Variants in ARHGAP44 observed in about 807,000 individuals in gnomAD.
ARHGAP44 encodes rho GTPase-activating protein 44.
Under a neutral mutation model 106.8 loss-of-function variants are expected in ARHGAP44, and 43 were observed. The observed-to-expected ratio is 0.40, with a 90% confidence interval of 0.32 to 0.52. ARHGAP44 has a LOEUF of 0.52. Among genes scored for constraint, ARHGAP44 ranks in the 20% least tolerant of loss-of-function variants. The pLI, the probability that ARHGAP44 is intolerant of heterozygous loss-of-function variation, is 0.48. For synonymous variants in ARHGAP44, 439 were observed against 410.3 expected (o/e 1.07, Z -0.85); for missense variants, 866 against 1,050.5 (o/e 0.82, Z 2.43).
intron 5 of ARHGAP44, chr17:12,917,204 C>T (rs952212964): frequency 6.5e-6 from 1 of 154,370 alleles, no homozygotes; most frequent in East Asian, 1.9e-4. Flanking sequence ...GGTTTCTCCC[C>T]TATTAGGGGA....
chr17:12,944,706 G>C (rs1384036566), intron 10 of ARHGAP44, among the ~76,000 whole-genome samples: 2 of 149,904 alleles, frequency 1.3e-5, no homozygotes, highest in Non-Finnish European at 3.0e-5. Context: ...GGCCAGGATG[G>C]TCTCGATCCC....
At chr17:12,928,057 T>G (rs1467209274) in intron 6 of ARHGAP44, among the ~76,000 whole-genome samples, 1 of 152,204 alleles carries the variant, frequency 6.6e-6, no homozygotes, top group Admixed American at 6.5e-5. Flanking sequence ...CAATTATGCC[T>G]ACTTTTGGTA....
intron 18 of ARHGAP44, among the ~76,000 whole-genome samples, chr17:12,976,909 G>A (rs190992079): frequency 2.9e-4 from 44 of 152,268 alleles, no homozygotes; most frequent in African/African-American, 9.1e-4. Context: ...AGATGGGCTG[G>A]GACTGCTTCC....
chr17:12,914,223 G>A (rs1286508129), intron 4 of ARHGAP44, among the ~76,000 whole-genome samples: 1 of 152,108 alleles, frequency 6.6e-6, no homozygotes, highest in Non-Finnish European at 1.5e-5. Flanking sequence ...AAAACCAGAA[G>A]GAGATAATAA....
chr17:12,895,424 G>A lies in ARHGAP44; in HGVS notation c.93+445G>A, dbSNP rs376660434. ...CTGTCTCTCATTGCAGTTTTGATTTGCATTTCTCTGGTGACCAGTGATGAT... is the reference window on the plus strand; with the variant it reads ...CTGTCTCTCATTGCAGTTTTGATTTACATTTCTCTGGTGACCAGTGATGAT... On this transcript the variant is annotated intron_variant, in intron 2 of 20. Transcript: ENST00000379672. Among the ~76,000 whole-genome samples the A allele has an allele frequency of 1.1e-3, 174 of 152,126 alleles. 1 individual carries two copies. The highest frequency in any genetic ancestry group is 2.2e-3 in the Non-Finnish European group (148 of 68,016).
At chr17:12,938,439 T>C (rs1455180017) in intron 7 of ARHGAP44, among the ~76,000 whole-genome samples, 6 of 152,052 alleles carry the variant, frequency 3.9e-5, no homozygotes, top group Non-Finnish European at 7.4e-5. Flanking sequence ...TTCAGAAATA[T>C]ATAGATCAGT....
Position 12,841,585 on chromosome 17 carries a change from GTC to G in ARHGAP44, c.53+51703_53+51704del, listed in dbSNP as rs146801593. Reference sequence around the variant, plus strand: ...CAACAGAGTGAGACCCTGTCTCTCTGTCTCTCTCTCACACACACACACACACA... The same window carrying G: ...CAACAGAGTGAGACCCTGTCTCTCTGTCTCTCTCACACACACACACACACA... On this transcript the variant is annotated intron_variant, in intron 1 of 20. Coordinates refer to ENST00000379672, the MANE Select transcript of ARHGAP44 (RefSeq NM_014859.6). 4.5e-3 allele frequency among the ~76,000 whole-genome samples: 554 copies of G among 123,218 alleles called. 5 individuals are homozygous for G. The highest frequency in any genetic ancestry group is 0.027 in the Middle Eastern group (7 of 256). The allele number at this position is 123,218 out of a possible 152,430, so 80.8% of individuals were successfully genotyped here. A position where few individuals can be genotyped will look rare whatever the true frequency, so the allele number is the denominator to read the frequency against.
In ARHGAP44 at chr17:12,990,219, AG is replaced by A. The variant is rs1567730209; in HGVS notation, c.*50del. ...CGCGTGTACATACATCACGGGCCCT[AG>A]GAACGCCGCCAGGAGCAGCGTCCAT... On this transcript the variant is annotated 3_prime_UTR_variant, in exon 21 of 21. Coordinates refer to ENST00000379672, the MANE Select transcript of ARHGAP44 (RefSeq NM_014859.6). 2 of 1,575,202 alleles carry A rather than the reference AG, an allele frequency of 1.3e-6. No homozygotes were observed. Among genetic ancestry groups the A allele is most frequent in the Non-Finnish European group, 1.7e-6 (2 of 1,151,670 alleles).
At chr17:12,805,640 A>G (rs567365222) in intron 1 of ARHGAP44, among the ~76,000 whole-genome samples, 29 of 152,360 alleles carry the variant, frequency 1.9e-4, no homozygotes, top group African/African-American at 6.7e-4. Context: ...TATGTAAGAC[A>G]TGGCAGCTTA....
intron 1 of ARHGAP44, among the ~76,000 whole-genome samples, chr17:12,873,782 C>A (rs7225839): frequency 1.9e-3 from 287 of 152,162 alleles, no homozygotes; most frequent in Non-Finnish European, 2.9e-3. Context: ...CCTGTAATCC[C>A]AGCTACTGGG....
In ARHGAP44 at chr17:12,989,968, A is replaced by G. The variant is rs2040079530; in HGVS notation, c.2318-64A>G. 4 of 1,578,484 alleles carry G rather than the reference A, an allele frequency of 2.5e-6. No homozygotes were observed. In the East Asian group the frequency reaches 9.1e-5, roughly 36 times the overall value. On this transcript the variant is annotated intron_variant, in intron 20 of 20. Transcript: ENST00000379672. ...CTCCTAAGGCTGACATTATTTGCCT[A>G]CAACTAGGTTCTCATTTGCCGGGAA...
At chr17:12,914,993 G>T (rs1286334195) in intron 4 of ARHGAP44, among the ~76,000 whole-genome samples, 1 of 152,112 alleles carries the variant, frequency 6.6e-6, no homozygotes, top group African/African-American at 2.4e-5. Flanking sequence ...CAGTAAAAAG[G>T]CAGTTACCTC....
intron 7 of ARHGAP44, among the ~76,000 whole-genome samples, chr17:12,937,453 C>A (rs1337045193): frequency 6.6e-6 from 1 of 152,166 alleles, no homozygotes; most frequent in East Asian, 1.9e-4. Flanking sequence ...CCTCCATCAA[C>A]TCGTCAATTA....
At chr17:12,974,450 C>CG (rs888458232) in intron 18 of ARHGAP44, 140 bp downstream of exon 18, 3 of 735,042 alleles carry the variant, frequency 4.1e-6, no homozygotes. Flanking sequence ...TTGGCTTCTG[C>CG]GTCGCGCTGG....
intron 1 of ARHGAP44, among the ~76,000 whole-genome samples, chr17:12,825,416 T>TTGTGTGTG (rs35243771): frequency 8.3e-4 from 123 of 148,188 alleles, no homozygotes; most frequent in African/African-American, 2.7e-3. Context: ...AGGAGTGTGT[T>TTGTGTGTG]TGTGTGTGTG....
chr17:12,909,037 GA>G, intron 4 of ARHGAP44, 64 bp downstream of exon 4: 3 of 1,370,792 alleles, frequency 2.2e-6, no homozygotes, highest in Non-Finnish European at 3.0e-6. Context: ...GTGAAAAGGG[GA>G]CTAGACCCTC....
intron 6 of ARHGAP44, among the ~76,000 whole-genome samples, chr17:12,921,203 A>T (rs1351533248): frequency 6.6e-6 from 1 of 151,826 alleles, no homozygotes; most frequent in Non-Finnish European, 1.5e-5. Flanking sequence ...AGTGGCTGGG[A>T]TTACAGGCAC....
chr17:12,810,243 CAGA>C (rs1231465383), intron 1 of ARHGAP44, among the ~76,000 whole-genome samples: 1 of 152,182 alleles, frequency 6.6e-6, no homozygotes, highest in African/African-American at 2.4e-5. Context: ...TTAAAACAAA[CAGA>C]AGTTTATTCT....
intron 20 of ARHGAP44, chr17:12,986,599 T>A (rs1417905114): frequency 6.9e-6 from 1 of 145,760 alleles, no homozygotes; most frequent in Non-Finnish European, 1.5e-5. Context: ...GGTAGGAGAA[T>A]TGCTTGAACC....
Sources: gnomAD v4.1 joint callset for allele counts (sites outside exome capture counted in the v4.1 genomes callset) on GRCh38, gnomAD v4.1.1 for gene constraint, MANE v1.5 for transcripts, NCBI Gene and HGNC (gene_info 2026-07-23, HGNC 2026-07-21) for gene names.